MTHFD1L: variants seen among roughly 807,000 people sequenced by gnomAD.
MTHFD1L encodes methylenetetrahydrofolate dehydrogenase (NADP+ dependent) 1 like.
MTHFD1L carries 81 observed loss-of-function variants against 119.5 expected under a neutral mutation model. The observed-to-expected ratio is 0.68, with a 90% CI of 0.57 to 0.82. MTHFD1L has a LOEUF of 0.82. MTHFD1L is among the 40% of genes least tolerant of loss of function. The pLI is 0.00. For synonymous variants in MTHFD1L, 430 were observed against 475.2 expected, an observed-to-expected ratio of 0.90 and a Z score of 1.24; for missense variants, 1,125 against 1,253.4, an observed-to-expected ratio of 0.90 and a Z score of 1.55.
At chr6:150,947,260 A>AT (rs757289181) in intron 15 of MTHFD1L, among the ~76,000 whole-genome samples, 28 of 150,064 alleles carry the variant, frequency 1.9e-4, no homozygotes, top group Non-Finnish European at 3.9e-4. Flanking sequence ...ATGCCAGCGA[A>AT]TTTTTTGTAT....
chr6:150,868,808 A>T (rs1329960411), intron 1 of MTHFD1L, among the ~76,000 whole-genome samples: 1 of 152,218 alleles, frequency 6.6e-6, no homozygotes, highest in Non-Finnish European at 1.5e-5. Flanking sequence ...CATGCCTGTA[A>T]TCCCAGCACT....
At position 150,900,270 on chromosome 6, in the gene MTHFD1L, A is replaced by G. The variant is rs1784907603; in HGVS notation, c.781-5380A>G. ...TATCTTGCTTGACCACAGCTGTCAT[A>G]TAAACCTGTTGGCCACACCCTTTTC... On this transcript the variant is annotated intron_variant, in intron 7 of 27. Transcript: ENST00000367321. Among the ~76,000 whole-genome samples the G allele has an allele frequency of 2.0e-5, 3 of 152,074 alleles. No homozygotes were observed. The South Asian group carries it at 6.2e-4, about 32-fold the overall frequency.
intron 13 of MTHFD1L, among the ~76,000 whole-genome samples, chr6:150,941,563 G>A (rs1583687639): frequency 6.6e-6 from 1 of 152,278 alleles, no homozygotes; most frequent in Admixed American, 6.5e-5. Flanking sequence ...CCAGGATGGG[G>A]GCAGTGAGGA....
intron 26 of MTHFD1L, among the ~76,000 whole-genome samples, chr6:151,042,303 A>T (rs1787254777): frequency 6.6e-6 from 1 of 152,194 alleles, no homozygotes; most frequent in African/African-American, 2.4e-5. Context: ...GACATGATAC[A>T]TATTATTGAA....
chr6:150,906,431 C>A (rs968373535), intron 8 of MTHFD1L, among the ~76,000 whole-genome samples: 1 of 152,230 alleles, frequency 6.6e-6, no homozygotes, highest in African/African-American at 2.4e-5. Context: ...GGAGCCGGCC[C>A]AGAGTGGGTT....
intron 16 of MTHFD1L, 73 bp from the exon 17 acceptor site, chr6:150,955,922 A>G (rs947070877): frequency 9.7e-6 from 13 of 1,335,690 alleles, no homozygotes; most frequent in Non-Finnish European, 1.2e-5. Flanking sequence ...CCTGAGCATC[A>G]GAACAATGCC....
intron 1 of MTHFD1L, among the ~76,000 whole-genome samples, chr6:150,868,490 C>T (rs905095534): frequency 6.6e-6 from 1 of 151,996 alleles, no homozygotes; most frequent in African/African-American, 2.4e-5. Context: ...CAGGCTCGCA[C>T]TACCACGCCT....
intron 26 of MTHFD1L, among the ~76,000 whole-genome samples, chr6:151,043,358 A>G (rs1787442244): frequency 7.5e-6 from 1 of 133,280 alleles, no homozygotes. Flanking sequence ...TCCGCCTTCC[A>G]GGTTCAAGTG....
intron 7 of MTHFD1L, among the ~76,000 whole-genome samples, chr6:150,900,744 G>A (rs1014304575): frequency 5.3e-5 from 8 of 152,158 alleles, no homozygotes; most frequent in East Asian, 1.9e-4. Flanking sequence ...GGCCGGGCGC[G>A]GTGGCTCACG....
intron 20 of MTHFD1L, among the ~76,000 whole-genome samples, chr6:150,977,902 C>CTTTTTT (rs11355188): frequency 7.1e-6 from 1 of 141,120 alleles, no homozygotes; most frequent in Non-Finnish European, 1.5e-5. Flanking sequence ...ATATATACAC[C>CTTTTTT]TTTTTTTTTT....
chr6:150,934,991 G>A, intron 11 of MTHFD1L: 1 of 1,570,760 alleles, frequency 6.4e-7, no homozygotes, highest in Non-Finnish European at 8.6e-7. Flanking sequence ...TATCAGACCA[G>A]ACTTCTATCC....
rs558916187 is a variant in MTHFD1L, at chr6:151,085,780, A to G, written c.2848-6687A>G. 5.9e-5 allele frequency among the ~76,000 whole-genome samples: 9 copies of G among 152,190 alleles called. No individual in the cohort carries two copies. In the East Asian group the frequency reaches 1.7e-3, roughly 29 times the overall value. ...AGCGAGACTCTGTCTCAAAAAAAAA[A>G]ACAATGACTTTGACCTGAATGTCCC... On this transcript the variant is annotated intron_variant, in intron 26 of 27. Coordinates refer to ENST00000367321, the MANE Select transcript of MTHFD1L (RefSeq NM_015440.5).
chr6:151,048,390 C>A (rs944070990), intron 26 of MTHFD1L, among the ~76,000 whole-genome samples: 2 of 152,162 alleles, frequency 1.3e-5, no homozygotes, highest in African/African-American at 2.4e-5. Flanking sequence ...CCACCTCCCC[C>A]ACTTCCCACC....
chr6:151,068,083 A>G (rs1791530237), intron 26 of MTHFD1L, among the ~76,000 whole-genome samples: 1 of 152,258 alleles, frequency 6.6e-6, no homozygotes. Context: ...AACAAATAAC[A>G]CAATTCTGAT....
At chr6:151,060,653 T>C (rs1238987986) in intron 26 of MTHFD1L, among the ~76,000 whole-genome samples, 2 of 152,040 alleles carry the variant, frequency 1.3e-5, no homozygotes, top group Non-Finnish European at 2.9e-5. Flanking sequence ...AGGCAGCAAG[T>C]CCGCAGCATG....
chr6:151,066,306 A>G (rs1791242284), intron 26 of MTHFD1L, among the ~76,000 whole-genome samples: 2 of 151,848 alleles, frequency 1.3e-5, no homozygotes, highest in South Asian at 2.1e-4. Flanking sequence ...GCGTGGTGGC[A>G]GGCACCTGTA....
intron 6 of MTHFD1L, 33 bp from the exon 7 acceptor site, chr6:150,887,812 G>T: frequency 6.4e-7 from 1 of 1,551,382 alleles, no homozygotes; most frequent in Non-Finnish European, 8.7e-7. Context: ...CTGAAGTTTT[G>T]AGTATAATAT....
intron 13 of MTHFD1L, among the ~76,000 whole-genome samples, chr6:150,940,570 T>C (rs1792918618): frequency 7.0e-6 from 1 of 142,026 alleles, no homozygotes; most frequent in South Asian, 2.2e-4. Context: ...AGGAGAGAGC[T>C]ACTTTTATTT....
intron 23 of MTHFD1L, among the ~76,000 whole-genome samples, chr6:151,015,206 CTT>C (rs58646889): frequency 0.14 from 10,424 of 76,622 alleles, 364 homozygotes; most frequent in Middle Eastern, 0.2. Flanking sequence ...ATCTCCTTGG[CTT>C]TTTTTTTTTT....
Sources: allele counts gnomAD v4.1 joint callset (sites outside exome capture counted in the v4.1 genomes callset), GRCh38; gene constraint gnomAD v4.1.1; transcripts MANE v1.5; gene names NCBI Gene and HGNC (gene_info 2026-07-23, HGNC 2026-07-21).